TAGLN2: variants seen among roughly 807,000 people sequenced by gnomAD.
TAGLN2 encodes transgelin 2, also known as transgelin-2.
In TAGLN2, 14 loss-of-function variants were observed where a neutral mutation model predicts 24.9. The ratio of observed to expected loss-of-function variants is 0.56; its 90% confidence interval spans 0.37 to 0.88. The LOEUF (loss-of-function observed/expected upper bound fraction) is 0.88. Ranked by LOEUF, TAGLN2 falls within the 40% of genes least tolerant of loss-of-function variation. TAGLN2 has a pLI of 0.00. For synonymous variants in TAGLN2, 77 were observed against 98.2 expected, an observed-to-expected ratio of 0.78 and a Z score of 1.28; for missense variants, 208 against 258.9, an observed-to-expected ratio of 0.80 and a Z score of 1.35.
intron 4 of TAGLN2, 143 bp from the exon 5 acceptor site, chr1:159,919,084 C>T (rs572176391): frequency 2.2e-6 from 3 of 1,365,782 alleles, no homozygotes; most frequent in Non-Finnish European, 3.0e-6. Context: ...CTGAAGCCAC[C>T]TCCTCATCTG....
In TAGLN2 at chr1:159,920,320, C is replaced by G. The variant is rs201338106; in HGVS notation, c.180+10G>C. On this transcript the variant is annotated intron_variant, in intron 2 of 4. Coordinates refer to ENST00000368097, the MANE Select transcript of TAGLN2 (RefSeq NM_003564.3). ...CCTGCACTTCCAAGCCAGTGGGGCC[C>G]GGCTCTCACCGTGCCATCCTTGAGC... 3.1e-6 allele frequency: 5 copies of G among 1,614,184 alleles called. No homozygotes were observed. The highest frequency in any genetic ancestry group is 1.1e-5 in the South Asian group (1 of 91,066).
At chr1:159,921,859 T>C (rs1173591150) in intron 1 of TAGLN2, among the ~76,000 whole-genome samples, 1 of 152,244 alleles carries the variant, frequency 6.6e-6, no homozygotes, top group Non-Finnish European at 1.5e-5. Context: ...GGGCATGGTA[T>C]GGATGCCAAG....
At position 159,923,034 on chromosome 1, in the gene TAGLN2, G is replaced by A. The variant is rs1214403170; in HGVS notation, c.-29+2416C>T. ...AGAAGGGGCAGTTCCAACCAGGCCA[G>A]GCCTGGTCAGCAGCTGTTTCTCTTC... is the stretch of plus-strand genomic sequence containing the variant. On this transcript the variant is annotated intron_variant, in intron 1 of 4. Transcript: ENST00000368097. Among the ~76,000 whole-genome samples the A allele has an allele frequency of 1.2e-4, 19 of 152,254 alleles. 1 individual carries two copies. Among genetic ancestry groups the A allele is most frequent in the Admixed American group, 1.2e-3 (19 of 15,290 alleles).
At chr1:159,918,982 T>A in intron 4 of TAGLN2, 41 bp from the exon 5 acceptor site, 1 of 1,611,464 alleles carries the variant, frequency 6.2e-7, no homozygotes, top group Non-Finnish European at 8.5e-7. Context: ...GATCACAGGC[T>A]GCCCTAGTAA....
chr1:159,919,310 T>A lies in TAGLN2; in HGVS notation c.422A>T (p.Asp141Val). 6.2e-7 allele frequency: 1 copy of A among 1,614,168 alleles called. No individual in the cohort carries two copies. Among genetic ancestry groups the A allele is most frequent in the South Asian group, 1.1e-5 (1 of 91,086 alleles). The change falls in exon 4 of 5, where the codon GAT (aspartate) becomes GTT (valine). Residue 141 changes from aspartate to valine, a missense_variant. Coordinates refer to ENST00000368097, the MANE Select transcript of TAGLN2 (RefSeq NM_003564.3). ...GTTGGGATCCCCAGAGAAGAGCCCATCATCTCGGGCTACTGCCAGCCCACC... is the reference window on the plus strand; with the variant it reads ...GTTGGGATCCCCAGAGAAGAGCCCAACATCTCGGGCTACTGCCAGCCCACC... ...NLGGLAVARDDGLFSGDPNWF... is the reference protein window; with the variant it reads ...NLGGLAVARDVGLFSGDPNWF...
chr1:159,919,623 T>C, intron 3 of TAGLN2, 38 bp downstream of exon 3: 3 of 1,604,434 alleles, frequency 1.9e-6, no homozygotes, highest in East Asian at 2.2e-5. Context: ...ATCTCTGGCC[T>C]CCTGGATGAC....
At position 159,920,325 on chromosome 1, in the gene TAGLN2, C is replaced by G. The variant is rs777935520; in HGVS notation, c.180+5G>C. ...ACTTCCAAGCCAGTGGGGCCCGGCT[C>G]TCACCGTGCCATCCTTGAGCCAGTT... On this transcript the variant is annotated splice_donor_5th_base_variant and intron_variant, in intron 2 of 4. Coordinates refer to ENST00000368097, the MANE Select transcript of TAGLN2 (RefSeq NM_003564.3). The G allele has an allele frequency of 1.2e-6, 2 of 1,614,234 alleles. No individual in the cohort carries two copies. The highest frequency in any genetic ancestry group is 1.7e-6 in the Non-Finnish European group (2 of 1,180,040).
rs369414441 is a variant in TAGLN2, at chr1:159,918,856, G to A, written c.544C>T (p.Arg182Cys). ...NVIGLQMGTN[R>C]GASQAGMTGY... ...GTCATGCCTGCCTGAGACGCCCCGC[G>A]GTTGGTGCCCATCTGTAACCCGATC... The change falls in exon 5 of 5, where the codon CGC becomes TGC. Residue 182 changes from arginine (R) to cysteine (C), a missense_variant. Physicochemically the swap from Arg to Cys is radical, Grantham distance 180. Coordinates refer to ENST00000368097, the MANE Select transcript of TAGLN2 (RefSeq NM_003564.3). The A allele has an allele frequency of 3.8e-5, 62 of 1,614,122 alleles. No individual in the cohort carries two copies. Among genetic ancestry groups the A allele is most frequent in the African/African-American group, 3.2e-4 (24 of 74,944 alleles).
At chr1:159,921,676 A>G (rs1411014156) in intron 1 of TAGLN2, among the ~76,000 whole-genome samples, 1 of 152,368 alleles carries the variant, frequency 6.6e-6, no homozygotes, top group East Asian at 1.9e-4. Context: ...GGAGAAGAGA[A>G]GGCAAGACGG....
At chr1:159,919,632 A>T in intron 3 of TAGLN2, 29 bp downstream of exon 3, 1 of 1,606,088 alleles carries the variant, frequency 6.2e-7, no homozygotes, top group East Asian at 2.2e-5. Context: ...CTCCTGGATG[A>T]CAGGACCCAG....
chr1:159,924,619 C>G (rs1178568601), intron 1 of TAGLN2: 1 of 152,224 alleles, frequency 6.6e-6, no homozygotes, highest in Non-Finnish European at 1.5e-5. Context: ...ACGACCACAC[C>G]CTGGGCCGTT....
intron 1 of TAGLN2, among the ~76,000 whole-genome samples, chr1:159,921,139 T>A (rs1179689061): frequency 6.6e-6 from 1 of 151,250 alleles, no homozygotes; most frequent in Non-Finnish European, 1.5e-5. Context: ...CAAATTCTAC[T>A]TTCCCCTCTA....
chr1:159,919,126 G>A (rs979043552), intron 4 of TAGLN2, 148 bp downstream of exon 4: 35 of 1,229,968 alleles, frequency 2.8e-5, no homozygotes, highest in Non-Finnish European at 3.6e-5. Flanking sequence ...CATCCCAGAG[G>A]GTGTTGTGAG....
chr1:159,923,008 G>C (rs1417796398), intron 1 of TAGLN2, among the ~76,000 whole-genome samples: 1 of 152,238 alleles, frequency 6.6e-6, no homozygotes, highest in Non-Finnish European at 1.5e-5. Flanking sequence ...GCGGGGTCCT[G>C]AGAAGGGGCA....
At chr1:159,919,114 G>T in intron 4 of TAGLN2, 160 bp downstream of exon 4, 3 of 1,264,672 alleles carry the variant, frequency 2.4e-6, no homozygotes, top group African/African-American at 1.5e-5. Flanking sequence ...ACAGTCATTT[G>T]CCATCCCAGA....
chr1:159,920,624 C>A, intron 1 of TAGLN2, 87 bp from the exon 2 acceptor site: 1 of 1,505,812 alleles, frequency 6.6e-7, no homozygotes, highest in South Asian at 1.3e-5. Context: ...CAGGGATATA[C>A]ACCATTTCCC....
At chr1:159,919,130 T>C (rs1266310326) in intron 4 of TAGLN2, 144 bp downstream of exon 4, 10 of 1,224,654 alleles carry the variant, frequency 8.2e-6, no homozygotes, top group Non-Finnish European at 1.2e-6. Context: ...CCAGAGGGTG[T>C]TGTGAGGATT....
At position 159,918,890 on chromosome 1, in the gene TAGLN2, G is replaced by C. The variant is rs1571200940; in HGVS notation, c.510C>G (p.Gly170=). ...RNFSDNQLQE[G]KNVIGLQMGT... ...CCATCTGTAACCCGATCACGTTCTT[G>C]CCCTCTTGCAGCTGGTTATCCGAGA... Residue 170 remains glycine (G), a synonymous_variant, in exon 5 of 5, where the codon GGC becomes GGG. Transcript: ENST00000368097. 1 of 1,614,248 alleles carries C rather than the reference G, an allele frequency of 6.2e-7. No homozygotes were observed.
intron 1 of TAGLN2, 185 bp downstream of exon 1, chr1:159,925,265 A>G (rs1277158358): frequency 6.6e-6 from 1 of 152,284 alleles, no homozygotes; most frequent in Non-Finnish European, 1.5e-5. Context: ...TCATCGTCCA[A>G]CAATGTCGGG....
Sources: allele counts gnomAD v4.1 joint callset (sites outside exome capture counted in the v4.1 genomes callset), GRCh38; gene constraint gnomAD v4.1.1; transcripts MANE v1.5; gene names NCBI Gene and HGNC (gene_info 2026-07-23, HGNC 2026-07-21).